Variants in ADH7 observed in about 807,000 individuals in gnomAD.
The protein encoded by ADH7 is all-trans-retinol dehydrogenase [NAD(+)] ADH7.
Under a neutral mutation model 34.4 loss-of-function variants are expected in ADH7, and 41 were observed. The ratio of observed to expected loss-of-function variants is 1.19; its 90% CI spans 0.93 to 1.55. ADH7 has a LOEUF of 1.55. ADH7 is among the 40% of genes most tolerant of loss of function. ADH7 has a pLI of 0.00. For synonymous variants in ADH7, 180 were observed against 160.9 expected, an observed-to-expected ratio of 1.12 and a Z score of -0.90; for missense variants, 540 against 461.2, an observed-to-expected ratio of 1.17 and a Z score of -1.56.
intron 6 of ADH7, 35 bp from the exon 7 acceptor site, chr4:99,419,156 G>C: frequency 6.2e-7 from 1 of 1,602,052 alleles, no homozygotes; most frequent in Non-Finnish European, 8.5e-7. Flanking sequence ...TTTGCTTCCT[G>C]TGTCTCTTAC....
At chr4:99,421,179 G>A (rs1721649614) in intron 5 of ADH7, among the ~76,000 whole-genome samples, 1 of 152,072 alleles carries the variant, frequency 6.6e-6, no homozygotes, top group South Asian at 2.1e-4. Flanking sequence ...CCAAAAAAGA[G>A]CCCATATAGC....
In ADH7 at chr4:99,412,830, G is replaced by T; in HGVS notation, c.*318C>A. The T allele has an allele frequency of 3.7e-6, 1 of 272,020 alleles. No individual in the cohort carries two copies. The highest frequency in any genetic ancestry group is 6.8e-6 in the Non-Finnish European group (1 of 146,146). The allele number at this position is 272,020 out of a possible 1,614,324, so 16.9% of individuals were successfully genotyped here. The stretch of plus-strand genomic sequence containing the variant: ...TATATCTGTTTTGAGTTATATATCT[G>T]CAGCAGCTGGTTAAAACTCTTAAAA... On this transcript the variant is annotated 3_prime_UTR_variant, in exon 9 of 9. Coordinates refer to ENST00000437033, the MANE Select transcript of ADH7 (RefSeq NM_000673.7).
intron 2 of ADH7, 74 bp downstream of exon 2, chr4:99,429,458 G>A (rs1429882046): frequency 1.9e-6 from 2 of 1,041,728 alleles, no homozygotes; most frequent in Non-Finnish European, 1.4e-6. Context: ...TAAGAATCCA[G>A]CCTCACAACA....
chr4:99,424,392 G>A (rs1479148755), intron 5 of ADH7, among the ~76,000 whole-genome samples: 1 of 152,216 alleles, frequency 6.6e-6, no homozygotes, highest in Non-Finnish European at 1.5e-5. Context: ...GAACTTGAAA[G>A]TAGTTTTTTC....
intron 5 of ADH7, among the ~76,000 whole-genome samples, chr4:99,426,123 G>A (rs1002373585): frequency 1.3e-5 from 2 of 152,076 alleles, no homozygotes; most frequent in African/African-American, 4.8e-5. Flanking sequence ...ATCTAAAATT[G>A]ACACCCTAAC....
At chr4:99,413,292 T>A (rs17588403) in intron 8 of ADH7, 120 bp from the exon 9 acceptor site, 181,856 of 1,096,422 alleles carry the variant, frequency 0.17, 16,712 homozygotes, top group Non-Finnish European at 0.19. Context: ...TTATTGGAAA[T>A]CCTCTGGGCT....
chr4:99,419,083 G>A lies in ADH7; in HGVS notation c.864C>T (p.Thr288=). 6.2e-7 allele frequency: 1 copy of A among 1,613,800 alleles called. No homozygotes were observed. The highest frequency in any genetic ancestry group is 8.5e-7 in the Non-Finnish European group (1 of 1,179,866). Residue 288 remains threonine (T), a synonymous_variant, in exon 7 of 9, where the codon ACC becomes ACT. Coordinates refer to ENST00000437033, the MANE Select transcript of ADH7 (RefSeq NM_000673.7). ...ALASCHMNYG[T]SVVVGVPPSA... ...ATGGAGGAACTCCTACAACCACGCT[G>A]GTCCCATAGTTCATGTGGCAGGATG...
chr4:99,426,657 C>T (rs1267865721), intron 5 of ADH7, among the ~76,000 whole-genome samples: 1 of 152,176 alleles, frequency 6.6e-6, no homozygotes, highest in Non-Finnish European at 1.5e-5. Flanking sequence ...ACCATTCCTT[C>T]TGAAACTATT....
intron 7 of ADH7, among the ~76,000 whole-genome samples, chr4:99,417,121 C>T (rs1242731695): frequency 6.6e-6 from 1 of 152,098 alleles, no homozygotes; most frequent in Admixed American, 6.6e-5. Context: ...TGCTTGTGCC[C>T]TTTGCCCCAT....
chr4:99,418,646 C>G (rs977523119), intron 7 of ADH7, among the ~76,000 whole-genome samples: 1 of 152,086 alleles, frequency 6.6e-6, no homozygotes, highest in African/African-American at 2.4e-5. Flanking sequence ...CGAATAAATT[C>G]ACTTTAATAC....
intron 5 of ADH7, among the ~76,000 whole-genome samples, chr4:99,426,997 A>T (rs1314060164): frequency 6.6e-6 from 1 of 152,206 alleles, no homozygotes; most frequent in African/African-American, 2.4e-5. Context: ...AAGGCCTTTG[A>T]CAAAATTCAA....
chr4:99,427,376 A>G (rs1164188834), intron 5 of ADH7, among the ~76,000 whole-genome samples: 1 of 152,172 alleles, frequency 6.6e-6, no homozygotes, highest in Non-Finnish European at 1.5e-5. Flanking sequence ...TGTACTTACT[A>G]CTGTATTTTG....
chr4:99,426,891 G>A (rs1446838192), intron 5 of ADH7, among the ~76,000 whole-genome samples: 1 of 152,182 alleles, frequency 6.6e-6, no homozygotes, highest in Admixed American at 6.5e-5. Context: ...TACCTGCGAT[G>A]CAAGGCTGGT....
In ADH7 at chr4:99,428,584, C is replaced by A; in HGVS notation, c.167G>T (p.Gly56Val). Residue 56 changes from glycine to valine, a missense_variant, in exon 3 of 9, where the codon GGA (glycine) becomes GTA (valine). By Grantham distance (109) the Gly-to-Val change is moderately radical. Transcript: ENST00000437033. Reference protein sequence around the residue: ...ICRTDDHVIKGTMVSKFPVIV... With the variant: ...ICRTDDHVIKVTMVSKFPVIV... The stretch of plus-strand genomic sequence containing the variant: ...CACTGGAAACTTGGACACCATTGTT[C>A]CTTTTATCACATGGTCATCTGTGCG... The A allele has an allele frequency of 6.2e-7, 1 of 1,613,914 alleles. No homozygotes were observed. The highest frequency in any genetic ancestry group is 8.5e-7 in the Non-Finnish European group (1 of 1,179,878).
intron 5 of ADH7, among the ~76,000 whole-genome samples, chr4:99,425,100 A>T (rs1041974055): frequency 5.3e-5 from 8 of 152,310 alleles, no homozygotes; most frequent in Non-Finnish European, 1.0e-4. Context: ...AGCTGCTGCA[A>T]AATCATGCCA....
chr4:99,421,024 T>C (rs1026496511), intron 5 of ADH7, among the ~76,000 whole-genome samples: 1 of 152,074 alleles, frequency 6.6e-6, no homozygotes, highest in African/African-American at 2.4e-5. Flanking sequence ...ATGGAAAAAT[T>C]CCATGCTCAT....
chr4:99,424,803 C>A (rs1435089681), intron 5 of ADH7, among the ~76,000 whole-genome samples: 2 of 152,086 alleles, frequency 1.3e-5, no homozygotes, highest in African/African-American at 2.4e-5. Context: ...TCTAGATATA[C>A]AATCATGTCA....
intron 7 of ADH7, among the ~76,000 whole-genome samples, chr4:99,416,255 C>T (rs549420858): frequency 6.6e-6 from 1 of 152,278 alleles, no homozygotes; most frequent in Admixed American, 6.5e-5. Context: ...CTTTACTTTA[C>T]AGAAAGAATT....
chr4:99,413,248 T>C (rs1721449643), intron 8 of ADH7, 76 bp from the exon 9 acceptor site: 1 of 1,511,094 alleles, frequency 6.6e-7, no homozygotes, highest in African/African-American at 1.4e-5. Flanking sequence ...CAATTGTCCT[T>C]TCTATCTGTC....
Sources: allele counts gnomAD v4.1 joint callset (sites outside exome capture counted in the v4.1 genomes callset), GRCh38; gene constraint gnomAD v4.1.1; transcripts MANE v1.5; gene names NCBI Gene and HGNC (gene_info 2026-07-23, HGNC 2026-07-21).